The following CLNK variants were observed in gnomAD, a reference collection of about 807,000 sequenced individuals.
The protein encoded by CLNK is cytokine dependent hematopoietic cell linker, also known as cytokine-dependent hematopoietic cell linker.
A neutral mutation model predicts 68.6 loss-of-function variants in CLNK; 74 were observed. The observed-to-expected ratio is 1.08, with a 90% confidence interval of 0.89 to 1.31. The LOEUF (loss-of-function observed/expected upper bound fraction) is 1.31, where lower values mean the gene tolerates loss of function less well. Ranked by LOEUF, CLNK falls within the 50% of genes most tolerant of loss-of-function variation. The pLI is 0.00. For synonymous variants in CLNK, 198 were observed against 172.2 expected, an observed-to-expected ratio of 1.15 and a Z score of -1.17; for missense variants, 553 against 515.3, an observed-to-expected ratio of 1.07 and a Z score of -0.71.
At chr4:10,576,430 G>A (rs902512693) in intron 4 of CLNK, among the ~76,000 whole-genome samples, 14 of 152,204 alleles carry the variant, frequency 9.2e-5, no homozygotes, top group African/African-American at 2.9e-4. Flanking sequence ...ACTGACTTCT[G>A]TGTTTCCCTC....
At chr4:10,558,773 C>T (rs1260383998) in intron 7 of CLNK, among the ~76,000 whole-genome samples, 2 of 152,114 alleles carry the variant, frequency 1.3e-5, no homozygotes, top group African/African-American at 4.8e-5. Flanking sequence ...GAAAAATGCT[C>T]ATCATTCATG....
the CLNK span, among the ~76,000 whole-genome samples, chr4:10,711,834 A>G: frequency 0.016 from 2,415 of 152,300 alleles, 34 homozygotes; most frequent in Non-Finnish European, 0.027. Flanking sequence ...TACAAGAAGA[A>G]TTCCTGACTA....
intron 2 of CLNK, among the ~76,000 whole-genome samples, chr4:10,642,573 TCATCTGTCTGTGCTAGTG>T (rs1331375632): frequency 6.6e-6 from 1 of 152,146 alleles, no homozygotes; most frequent in Non-Finnish European, 1.5e-5. Context: ...AAAAACCTGG[TCATCTGTCTGTGCTAGTG>T]CATCTTGGAC....
At chr4:10,579,458 C>A (rs1448320629) in intron 4 of CLNK, among the ~76,000 whole-genome samples, 2 of 151,986 alleles carry the variant, frequency 1.3e-5, no homozygotes, top group Non-Finnish European at 2.9e-5. Context: ...TGCCATATAA[C>A]CATATTTTGG....
intron 13 of CLNK, among the ~76,000 whole-genome samples, chr4:10,526,436 C>T (rs1436475803): frequency 1.3e-5 from 2 of 152,006 alleles, no homozygotes; most frequent in African/African-American, 4.8e-5. Context: ...TTAGGCAGTA[C>T]CGATGATATA....
At chr4:10,702,576 C>A in the CLNK span, among the ~76,000 whole-genome samples, 1 of 152,172 alleles carries the variant, frequency 6.6e-6, no homozygotes, top group African/African-American at 2.4e-5. Context: ...TACAGCTGTG[C>A]TTATAGAATA....
intron 5 of CLNK, 35 bp downstream of exon 5, chr4:10,571,706 A>T (rs1344771055): frequency 6.4e-7 from 1 of 1,550,944 alleles, no homozygotes; most frequent in Non-Finnish European, 8.9e-7. Context: ...AATATTAAAG[A>T]CGTATAAAAT....
In CLNK at chr4:10,683,268, G is replaced by A. The variant is rs377376283; in HGVS notation, c.-43+1400C>T. On this transcript the variant is annotated intron_variant, in intron 1 of 18. Transcript: ENST00000226951. ...ACCTGACTCATGGCAAAGTGATCGA[G>A]AAACAGAATCCCCTGGTGTTCAGGC... Among the ~76,000 whole-genome samples, 98 of 152,304 alleles carry A rather than the reference G, an allele frequency of 6.4e-4. 2 individuals are homozygous for A. Among genetic ancestry groups the A allele is most frequent in the Non-Finnish European group, 3.5e-4 (24 of 68,028 alleles).
intron 17 of CLNK, among the ~76,000 whole-genome samples, chr4:10,504,553 G>C (rs531183142): frequency 1.3e-5 from 2 of 152,296 alleles, no homozygotes; most frequent in East Asian, 3.9e-4. Context: ...ATACCGAAAA[G>C]CCAAACCAAA....
rs145206871 is a variant in CLNK at position 10,511,960 on chromosome 4, A to G, written c.906+1504T>C. On this transcript the variant is annotated intron_variant, in intron 16 of 18. Transcript: ENST00000226951. ...CAGAGTAGTGATATAAAGTGAAAAC[A>G]GGTCACCTTAAAGAATATTATTAAC... Among the ~76,000 whole-genome samples the G allele has an allele frequency of 3.6e-3, 555 of 152,362 alleles. 1 individual carries two copies. The highest frequency in any genetic ancestry group is 0.014 in the Middle Eastern group (4 of 294).
At chr4:10,619,354 G>A (rs948741700) in intron 2 of CLNK, among the ~76,000 whole-genome samples, 11 of 152,174 alleles carry the variant, frequency 7.2e-5, no homozygotes, top group Admixed American at 6.5e-4. Context: ...CAGACTCCTT[G>A]AACTGCTGCC....
chr4:10,695,250 T>A, the CLNK span, among the ~76,000 whole-genome samples: 2 of 152,230 alleles, frequency 1.3e-5, no homozygotes, highest in African/African-American at 2.4e-5. Flanking sequence ...GATTTAATCA[T>A]TCCACAATGT....
At chr4:10,499,934 T>C (rs1368781547) in intron 18 of CLNK, among the ~76,000 whole-genome samples, 1 of 152,146 alleles carries the variant, frequency 6.6e-6, no homozygotes, top group Non-Finnish European at 1.5e-5. Flanking sequence ...AATTACCTCT[T>C]TCAAAGCCCT....
intron 2 of CLNK, among the ~76,000 whole-genome samples, chr4:10,664,576 GTTCT>G (rs1724319899): frequency 6.6e-6 from 1 of 152,218 alleles, no homozygotes; most frequent in Non-Finnish European, 1.5e-5. Context: ...GGGAACTCCT[GTTCT>G]AGTTCAGCAC....
chr4:10,704,281 G>A, the CLNK span, among the ~76,000 whole-genome samples: 3 of 152,116 alleles, frequency 2.0e-5, no homozygotes, highest in South Asian at 2.1e-4. Context: ...ATGCCATTTC[G>A]GGAAATTATG....
At chr4:10,686,903 GC>G (rs1209216728), upstream of CLNK, among the ~76,000 whole-genome samples, 4 of 152,058 alleles carry the variant, frequency 2.6e-5, no homozygotes, top group Non-Finnish European at 5.9e-5. Flanking sequence ...GATATTTAAA[GC>G]TTTTTTTCTT....
rs368830664 is a variant in CLNK at position 10,538,593 on chromosome 4, C to T, written c.602+1901G>A. Among the ~76,000 whole-genome samples the T allele has an allele frequency of 3.8e-4, 58 of 152,292 alleles. No homozygotes were observed. The South Asian group carries it at 0.012, about 30-fold the overall frequency. On this transcript the variant is annotated intron_variant, in intron 11 of 18. Transcript: ENST00000226951. The stretch of plus-strand genomic sequence containing the variant: ...TTGGATGGTCTGTTATTATTGTTGC[C>T]TCCCAGTTTCTCACTCTTTGAAAAT...
At chr4:10,520,228 A>C (rs1165155115) in intron 15 of CLNK, among the ~76,000 whole-genome samples, 1 of 152,242 alleles carries the variant, frequency 6.6e-6, no homozygotes, top group Non-Finnish European at 1.5e-5. Context: ...GCCACTTCAG[A>C]CATCGCCGCA....
chr4:10,538,208 C>A (rs1330092831), intron 11 of CLNK, among the ~76,000 whole-genome samples: 2 of 152,200 alleles, frequency 1.3e-5, no homozygotes, highest in African/African-American at 4.8e-5. Flanking sequence ...TGGCTCACTG[C>A]AACCCTTGCC....
Sources: gnomAD v4.1 joint callset for allele counts (sites outside exome capture counted in the v4.1 genomes callset) on GRCh38, gnomAD v4.1.1 for gene constraint, MANE v1.5 for transcripts, NCBI Gene and HGNC (gene_info 2026-07-23, HGNC 2026-07-21) for gene names.